The following WDR41 variants were observed in gnomAD, a reference collection of about 807,000 sequenced individuals.
WDR41 encodes the protein WD repeat-containing protein 41.
A neutral mutation model predicts 69.3 loss-of-function variants in WDR41; 63 were observed. The observed-to-expected ratio is 0.91, with a 90% CI of 0.74 to 1.12. The LOEUF is 1.12. WDR41 is among the 50% of genes most tolerant of loss of function. WDR41 has a pLI of 0.00. For missense variants in WDR41, 543 were observed against 534.5 expected, an observed-to-expected ratio of 1.02 and a Z score of -0.16; for synonymous variants, 185 against 192.1, an observed-to-expected ratio of 0.96 and a Z score of 0.31.
chr5:77,557,683 C>T (rs1203426317), intron 1 of WDR41, among the ~76,000 whole-genome samples: 1 of 151,350 alleles, frequency 6.6e-6, no homozygotes, highest in Non-Finnish European at 1.5e-5. Flanking sequence ...TGCAATTCCA[C>T]TCCTAGGCAC....
chr5:77,533,789 C>T (rs1175900579), intron 1 of WDR41, among the ~76,000 whole-genome samples: 1 of 151,956 alleles, frequency 6.6e-6, no homozygotes, highest in Admixed American at 6.6e-5. Context: ...TGTAGGGGCC[C>T]CTTCATATCC....
intron 1 of WDR41, among the ~76,000 whole-genome samples, chr5:77,549,511 C>T (rs1057251884): frequency 6.6e-6 from 1 of 151,832 alleles, no homozygotes; most frequent in African/African-American, 2.4e-5. Flanking sequence ...TTTACAATAG[C>T]CGCTCCAAAA....
chr5:77,448,417 C>CTCCCA (rs2151301174), intron 8 of WDR41, among the ~76,000 whole-genome samples: 1 of 152,230 alleles, frequency 6.6e-6, no homozygotes, highest in Non-Finnish European at 1.5e-5. Flanking sequence ...CTGAGTTTTA[C>CTCCCA]AATAAGATGG....
At chr5:77,505,323 A>T (rs1385247684) in intron 1 of WDR41, among the ~76,000 whole-genome samples, 1 of 152,204 alleles carries the variant, frequency 6.6e-6, no homozygotes, top group African/African-American at 2.4e-5. Flanking sequence ...CTTACAAGGG[A>T]TGTGAAGGAC....
chr5:77,440,744 A>AC (rs1799125366), intron 9 of WDR41, 69 bp downstream of exon 9: 1 of 1,484,748 alleles, frequency 6.7e-7, no homozygotes, highest in African/African-American at 1.4e-5. Context: ...ATGGGATTAA[A>AC]TTTTTAAAAT....
rs1485919887 is a variant in WDR41, at chr5:77,453,862, G to A, written c.478C>T (p.Arg160Ter). The A allele has an allele frequency of 1.2e-5, 19 of 1,613,864 alleles. No homozygotes were observed. The highest frequency in any genetic ancestry group is 6.7e-5 in the Admixed American group (4 of 59,978). ...SGGNDLCVWNRKLDLLCKTSH... is the reference protein window; with the variant it reads ...SGGNDLCVWN Reference sequence around the variant, plus strand: ...GTCTTACACAGGAGATCTAATTTTCGGTTCCACACACACAGGTCATTCCCA... The same window carrying A: ...GTCTTACACAGGAGATCTAATTTTCAGTTCCACACACACAGGTCATTCCCA... Residue 160 changes from arginine to a stop codon, truncating the protein, a stop_gained, in exon 6 of 13, where the codon CGA becomes TGA. Coordinates refer to ENST00000296679, the MANE Select transcript of WDR41 (RefSeq NM_018268.4). LOFTEE classifies it high-confidence loss of function.
chr5:77,443,350 A>G (rs1276492669), intron 8 of WDR41, among the ~76,000 whole-genome samples: 1 of 152,190 alleles, frequency 6.6e-6, no homozygotes, highest in Admixed American at 6.5e-5. Flanking sequence ...TCATTTATCA[A>G]ATAAACCAGC....
At chr5:77,564,705 A>G (rs1427477688) in intron 1 of WDR41, among the ~76,000 whole-genome samples, 1 of 152,040 alleles carries the variant, frequency 6.6e-6, no homozygotes. Flanking sequence ...TTCAACCACC[A>G]ACTCTATCCC....
chr5:77,493,617 TTC>T (rs1234419814), upstream of WDR41, among the ~76,000 whole-genome samples: 1 of 152,176 alleles, frequency 6.6e-6, no homozygotes, highest in African/African-American at 2.4e-5. Context: ...GCATGTTGCC[TTC>T]TGTGTGCTAG....
intron 1 of WDR41, among the ~76,000 whole-genome samples, chr5:77,574,752 C>T (rs1015947635): frequency 3.9e-5 from 6 of 152,160 alleles, no homozygotes; most frequent in South Asian, 4.1e-4. Context: ...TCACAGACAG[C>T]GACATAGATC....
Position 77,443,116 on chromosome 5 carries a change from G to A in WDR41, c.698-2119C>T, listed in dbSNP as rs6878646. On this transcript the variant is annotated intron_variant, in intron 8 of 12. Transcript: ENST00000296679. Reference sequence around the variant, plus strand: ...CCTGTTGCTAGACAGGTGGTCTTTAGGAAGTAGTTTAACCTTTATCTTGGA... The same window carrying A: ...CCTGTTGCTAGACAGGTGGTCTTTAAGAAGTAGTTTAACCTTTATCTTGGA... Among the ~76,000 whole-genome samples the A allele has an allele frequency of 3.3e-3, 499 of 152,024 alleles. 4 individuals are homozygous for A. Among genetic ancestry groups the A allele is most frequent in the African/African-American group, 0.011 (468 of 41,454 alleles).
intron 1 of WDR41, among the ~76,000 whole-genome samples, chr5:77,490,189 C>A (rs10052854): frequency 0.33 from 50,274 of 151,772 alleles, 8,400 homozygotes; most frequent in East Asian, 0.36. Flanking sequence ...GTCTTGAATT[C>A]CTGACCTCAA....
intron 8 of WDR41, among the ~76,000 whole-genome samples, chr5:77,447,039 T>A (rs1799412803): frequency 6.6e-6 from 1 of 151,974 alleles, no homozygotes; most frequent in African/African-American, 2.4e-5. Context: ...CAAAGGTCGG[T>A]CTAATATCCA....
At chr5:77,475,891 C>G (rs1167749577) in intron 2 of WDR41, among the ~76,000 whole-genome samples, 1 of 151,936 alleles carries the variant, frequency 6.6e-6, no homozygotes, top group Non-Finnish European at 1.5e-5. Flanking sequence ...GGAGGACATT[C>G]AAACCAAAGG....
intron 5 of WDR41, among the ~76,000 whole-genome samples, chr5:77,456,662 T>C (rs1043575950): frequency 2.6e-5 from 4 of 152,184 alleles, no homozygotes; most frequent in African/African-American, 9.7e-5. Flanking sequence ...GCCTGATCTT[T>C]GGGGGAAATT....
chr5:77,615,121 A>G (rs1744652336), intron 1 of WDR41, among the ~76,000 whole-genome samples: 1 of 152,216 alleles, frequency 6.6e-6, no homozygotes, highest in Non-Finnish European at 1.5e-5. Context: ...AAACTGGATT[A>G]TGATGATAGT....
chr5:77,582,963 T>C (rs1171069261), intron 1 of WDR41: 1 of 1,607,930 alleles, frequency 6.2e-7, no homozygotes, highest in Admixed American at 1.7e-5. Flanking sequence ...AGATCTATAC[T>C]GTTGGAAAAC....
intron 1 of WDR41, among the ~76,000 whole-genome samples, chr5:77,601,689 C>T (rs1216793829): frequency 6.6e-6 from 1 of 152,168 alleles, no homozygotes; most frequent in African/African-American, 2.4e-5. Context: ...AAGTTCACCA[C>T]CCAATGGCTC....
chr5:77,608,731 G>A (rs1744477672), intron 1 of WDR41, among the ~76,000 whole-genome samples: 1 of 152,230 alleles, frequency 6.6e-6, no homozygotes, highest in African/African-American at 2.4e-5. Flanking sequence ...GAGTGACGCA[G>A]AAGATGGGTG....
Sources: allele counts gnomAD v4.1 joint callset (sites outside exome capture counted in the v4.1 genomes callset), GRCh38; gene constraint gnomAD v4.1.1; transcripts MANE v1.5; gene names NCBI Gene and HGNC (gene_info 2026-07-23, HGNC 2026-07-21).